ARMC2: variants seen among roughly 807,000 people sequenced by gnomAD.
ARMC2 encodes the protein armadillo repeat containing 2, also known as armadillo repeat-containing protein 2.
Under a neutral mutation model 90.3 loss-of-function variants are expected in ARMC2, and 67 were observed. The ratio of observed to expected loss-of-function variants is 0.74; its 90% CI spans 0.61 to 0.91. ARMC2 has a LOEUF of 0.91. Among genes scored for constraint, ARMC2 ranks in the 40% least tolerant of loss-of-function variants. The probability of loss-of-function intolerance (pLI) is 0.00; values close to 1 mark genes in which losing one functional copy is unlikely to be tolerated. For missense variants in ARMC2, 920 were observed against 1,030.9 expected (o/e 0.89, Z 1.47); for synonymous variants, 393 against 393.0 (o/e 1.00, Z 0.00).
chr6:108,893,357 A>G (rs1771285382), intron 5 of ARMC2, among the ~76,000 whole-genome samples: 1 of 152,242 alleles, frequency 6.6e-6, no homozygotes, highest in South Asian at 2.1e-4. Flanking sequence ...TGTAGTGGAA[A>G]GAGAAGCAAA....
chr6:109,009,041 C>T, the ARMC2 span: 2 of 981,278 alleles, frequency 2.0e-6, no homozygotes, highest in African/African-American at 3.4e-5. Flanking sequence ...CTTGTCCAGA[C>T]GACAATGTTA....
At chr6:109,028,586 G>T in the ARMC2 span, among the ~76,000 whole-genome samples, 1 of 151,810 alleles carries the variant, frequency 6.6e-6, no homozygotes, top group Non-Finnish European at 1.5e-5. Context: ...GCAATACTAG[G>T]GGGTAAGACA....
chr6:109,050,878 A>C, the ARMC2 span, among the ~76,000 whole-genome samples: 1 of 152,216 alleles, frequency 6.6e-6, no homozygotes, highest in South Asian at 2.1e-4. Flanking sequence ...AAAGGAAGGC[A>C]AGAAGGAACA....
chr6:108,976,447 C>T (rs1778984914), downstream of ARMC2, among the ~76,000 whole-genome samples: 1 of 152,116 alleles, frequency 6.6e-6, no homozygotes, highest in Non-Finnish European at 1.5e-5. Flanking sequence ...ATGATGCCTC[C>T]AGCTTTGTTC....
intron 12 of ARMC2, among the ~76,000 whole-genome samples, chr6:108,938,476 G>A (rs1236212544): frequency 6.6e-6 from 1 of 150,500 alleles, no homozygotes; most frequent in East Asian, 1.9e-4. Flanking sequence ...ACAGGTGTGA[G>A]CCACTGTGCC....
At chr6:108,933,205 G>T (rs1431954399) in intron 11 of ARMC2, among the ~76,000 whole-genome samples, 3 of 152,032 alleles carry the variant, frequency 2.0e-5, no homozygotes, top group Non-Finnish European at 4.4e-5. Context: ...ATAAGCATGG[G>T]ATGTTTTCCC....
intron 10 of ARMC2, among the ~76,000 whole-genome samples, chr6:108,912,934 A>G (rs1336654273): frequency 2.6e-5 from 4 of 152,228 alleles, no homozygotes; most frequent in African/African-American, 9.6e-5. Context: ...GATGATTGGT[A>G]GCTAATGTCA....
Position 108,939,110 on chromosome 6 carries a change from C to T in ARMC2, c.1596+2111C>T, listed in dbSNP as rs1205617428. On this transcript the variant is annotated intron_variant, in intron 12 of 17. Coordinates refer to ENST00000392644, the MANE Select transcript of ARMC2 (RefSeq NM_032131.6). ...CTGGGATTACAGATGTGAGCCACTG[C>T]GCCCAGCCTAAAAATCCTAAAGTTT... Among the ~76,000 whole-genome samples the T allele has an allele frequency of 4.6e-5, 7 of 152,210 alleles. No homozygotes were observed. In the East Asian group the frequency reaches 9.7e-4, roughly 21 times the overall value.
At chr6:109,050,231 C>G in the ARMC2 span, among the ~76,000 whole-genome samples, 1 of 152,134 alleles carries the variant, frequency 6.6e-6, no homozygotes, top group Admixed American at 6.5e-5. Context: ...TGGCCCAACT[C>G]AGAGCTGTTC....
intron 17 of ARMC2, among the ~76,000 whole-genome samples, chr6:108,972,365 G>C (rs937929132): frequency 6.6e-6 from 1 of 152,140 alleles, no homozygotes; most frequent in Non-Finnish European, 1.5e-5. Context: ...TTCAGTTATG[G>C]AGAGAGTTTG....
the ARMC2 span, among the ~76,000 whole-genome samples, chr6:109,031,941 T>C: frequency 6.6e-6 from 1 of 152,212 alleles, no homozygotes; most frequent in Non-Finnish European, 1.5e-5. Flanking sequence ...ATTCACTTGT[T>C]TCATATACAC....
chr6:108,875,087 A>G (rs2128437214), intron 4 of ARMC2, among the ~76,000 whole-genome samples: 1 of 152,214 alleles, frequency 6.6e-6, no homozygotes, highest in South Asian at 2.1e-4. Context: ...GTATTATGGG[A>G]GATTTACTCT....
chr6:108,933,824 T>C (rs1583162398), intron 11 of ARMC2, among the ~76,000 whole-genome samples: 1 of 152,300 alleles, frequency 6.6e-6, no homozygotes, highest in African/African-American at 2.4e-5. Context: ...GCACTTATTA[T>C]TTTGAGGTCT....
chr6:109,010,816 A>G, the ARMC2 span, among the ~76,000 whole-genome samples: 1 of 152,254 alleles, frequency 6.6e-6, no homozygotes, highest in Non-Finnish European at 1.5e-5. Flanking sequence ...CACAGCCACA[A>G]AAACAAACAG....
At chr6:108,951,409 C>T (rs1777168420) in intron 12 of ARMC2, among the ~76,000 whole-genome samples, 1 of 152,218 alleles carries the variant, frequency 6.6e-6, no homozygotes, top group African/African-American at 2.4e-5. Context: ...TGGACGACCA[C>T]TATGGCTGGT....
chr6:108,973,311 G>T, intron 17 of ARMC2, 46 bp from the exon 18 acceptor site: 2 of 1,517,168 alleles, frequency 1.3e-6, no homozygotes, highest in Non-Finnish European at 1.8e-6. Context: ...TATTCAATAG[G>T]ATTACATTTC....
intron 5 of ARMC2, among the ~76,000 whole-genome samples, chr6:108,894,207 T>C (rs1034184621): frequency 2.6e-5 from 4 of 151,952 alleles, no homozygotes; most frequent in African/African-American, 9.6e-5. Context: ...CTACAAAATA[T>C]TTTTTAAAAA....
chr6:108,850,852 G>A (rs1005498163), intron 1 of ARMC2, among the ~76,000 whole-genome samples: 2 of 152,184 alleles, frequency 1.3e-5, no homozygotes, highest in South Asian at 4.1e-4. Context: ...GTGGGAGAGT[G>A]GAGTGGCAGA....
intron 5 of ARMC2, among the ~76,000 whole-genome samples, chr6:108,890,212 A>T (rs1407257741): frequency 7.1e-6 from 1 of 140,400 alleles, no homozygotes; most frequent in Non-Finnish European, 1.5e-5. Flanking sequence ...AAAAAAAAAA[A>T]AAAAAAAAAA....
Sources: allele counts gnomAD v4.1 joint callset (sites outside exome capture counted in the v4.1 genomes callset), GRCh38; gene constraint gnomAD v4.1.1; transcripts MANE v1.5; gene names NCBI Gene and HGNC (gene_info 2026-07-23, HGNC 2026-07-21).